Variants in GRIP1 observed in about 807,000 individuals in gnomAD.
The protein encoded by GRIP1 is glutamate receptor-interacting protein 1.
A neutral mutation model predicts 129.9 loss-of-function variants in GRIP1; 45 were observed. The observed-to-expected ratio is 0.35, with a 90% CI of 0.27 to 0.44. GRIP1 has a LOEUF of 0.44. Among genes scored for constraint, GRIP1 ranks in the 20% least tolerant of loss-of-function variants. The pLI, the probability that GRIP1 is intolerant of heterozygous loss-of-function variation, is 1.00. For synonymous variants in GRIP1, 530 were observed against 520.8 expected (o/e 1.02, Z -0.24); for missense variants, 1,196 against 1,396.8 (o/e 0.86, Z 2.29).
chr12:66,418,615 A>G (rs6581684), intron 15 of GRIP1, among the ~76,000 whole-genome samples: 52,563 of 152,032 alleles, frequency 0.35, 10,638 homozygotes, highest in African/African-American at 0.56. Context: ...TAGTAATCCT[A>G]TTAAAAAATG....
intron 11 of GRIP1, among the ~76,000 whole-genome samples, chr12:66,449,070 TTC>T (rs545620243): frequency 4.6e-5 from 7 of 152,188 alleles, no homozygotes; most frequent in Non-Finnish European, 7.3e-5. Flanking sequence ...CTGGGTCCTT[TTC>T]TCTGTTTTAT....
chr12:66,627,761 A>G (rs943328686), intron 1 of GRIP1, among the ~76,000 whole-genome samples: 2 of 152,124 alleles, frequency 1.3e-5, no homozygotes, highest in Non-Finnish European at 2.9e-5. Flanking sequence ...TCCCTCAGAC[A>G]TAGCAGGACT....
intron 1 of GRIP1, among the ~76,000 whole-genome samples, chr12:66,734,329 C>T (rs1217980155): frequency 1.3e-5 from 2 of 152,170 alleles, no homozygotes; most frequent in South Asian, 4.2e-4. Context: ...TGGAAGAGAA[C>T]CTGTACTGTG....
At position 66,931,003 on chromosome 12, in the gene GRIP1, A is replaced by AT. The variant is rs754610567; in HGVS notation, c.58+138046dup. ...CTCCTAACTCATCAAAGAGCAAAAT[A>AT]TTTTTTAAAATGCAATGCACTCCCC... On this transcript the variant is annotated intron_variant, in intron 1 of 1. Coordinates refer to the GRIP1 transcript ENST00000643019. Among the ~76,000 whole-genome samples, 17 of 152,114 alleles carry AT rather than the reference A, an allele frequency of 1.1e-4. No homozygotes were observed. In the East Asian group the frequency reaches 2.5e-3, roughly 22 times the overall value.
chr12:66,357,020 G>C (rs1248355208), intron 23 of GRIP1, among the ~76,000 whole-genome samples: 1 of 152,060 alleles, frequency 6.6e-6, no homozygotes, highest in Non-Finnish European at 1.5e-5. Flanking sequence ...GGGATTACAG[G>C]CATGAGCCAC....
At chr12:67,006,763 G>A (rs1300491910) in intron 1 of GRIP1, among the ~76,000 whole-genome samples, 5 of 152,154 alleles carry the variant, frequency 3.3e-5, no homozygotes, top group Admixed American at 3.3e-4. Context: ...CAACAAAAAA[G>A]GGCTTTTGTT....
Position 66,609,675 on chromosome 12 carries a change from T to C in GRIP1, c.56-12748A>G, listed in dbSNP as rs560284633. Among the ~76,000 whole-genome samples the C allele has an allele frequency of 3.3e-5, 5 of 152,286 alleles. No individual in the cohort carries two copies. The South Asian group carries it at 6.2e-4, about 19-fold the overall frequency. On this transcript the variant is annotated intron_variant, in intron 1 of 24. Coordinates refer to ENST00000359742, the MANE Select transcript of GRIP1 (RefSeq NM_001366722.1). ...TCCATAAATCTTGCCTGAACAAAGA[T>C]TCAATTTGGATAAACAAAGAAAATG...
At chr12:66,767,588 C>A (rs2037682507) in intron 1 of GRIP1, among the ~76,000 whole-genome samples, 1 of 145,126 alleles carries the variant, frequency 6.9e-6, no homozygotes, top group South Asian at 2.2e-4. Flanking sequence ...AAAAAAAAGG[C>A]TTTAATCAGT....
intron 23 of GRIP1, among the ~76,000 whole-genome samples, chr12:66,366,737 G>A (rs2055172369): frequency 6.6e-6 from 1 of 152,170 alleles, no homozygotes; most frequent in African/African-American, 2.4e-5. Flanking sequence ...AGGCTTGAGT[G>A]CACTGGCTCA....
chr12:66,392,207 A>G, intron 19 of GRIP1, 101 bp downstream of exon 19: 1 of 755,276 alleles, frequency 1.3e-6, no homozygotes, highest in Non-Finnish European at 2.3e-6. Context: ...AGCAGACACA[A>G]GTTAAAGAAA....
At position 66,347,523 on chromosome 12, in the gene GRIP1, T is replaced by C. The variant is rs1432244034; in HGVS notation, c.*1496A>G. 3.3e-5 allele frequency: 5 copies of C among 152,220 alleles called. No individual in the cohort carries two copies. Among genetic ancestry groups the C allele is most frequent in the Admixed American group, 3.3e-4 (5 of 15,276 alleles). 9.4% of individuals were successfully genotyped at this position (152,220 alleles called of 1,614,324 possible). A position where few individuals can be genotyped will look rare whatever the true frequency, so the allele number is the denominator to read the frequency against. On this transcript the variant is annotated 3_prime_UTR_variant, in exon 25 of 25. Transcript: ENST00000359742. The stretch of plus-strand genomic sequence containing the variant: ...TTTTTCCATACAAATATTTGAACAA[T>C]TTTGAATTCCCCAAAACCATACATA...
intron 7 of GRIP1, among the ~76,000 whole-genome samples, chr12:66,474,847 AC>A (rs1487256610): frequency 2.2e-4 from 33 of 152,342 alleles, no homozygotes; most frequent in Middle Eastern, 3.4e-3. Context: ...ATGGAAAGGA[AC>A]AACCGGTCCC....
In GRIP1 at chr12:67,028,442, T is replaced by C. The variant is rs577664445; in HGVS notation, c.58+40608A>G. Among the ~76,000 whole-genome samples, 3 of 152,352 alleles carry C rather than the reference T, an allele frequency of 2.0e-5. No homozygotes were observed. In the East Asian group the frequency reaches 5.8e-4, roughly 29 times the overall value. On this transcript the variant is annotated intron_variant, in intron 1 of 1. Coordinates refer to the GRIP1 transcript ENST00000643019. ...ATATTTTGGATTGAATGGATACCTGTAATTATATCAGCAATTTTCTGCATT... is the reference window on the plus strand; with the variant it reads ...ATATTTTGGATTGAATGGATACCTGCAATTATATCAGCAATTTTCTGCATT...
chr12:66,848,406 G>A (rs1396099556), intron 1 of GRIP1, among the ~76,000 whole-genome samples: 1 of 152,078 alleles, frequency 6.6e-6, no homozygotes, highest in Non-Finnish European at 1.5e-5. Flanking sequence ...CAGTGAATAA[G>A]ACAGAAAATA....
intron 14 of GRIP1, among the ~76,000 whole-genome samples, chr12:66,430,060 GTGC>G (rs1484333387): frequency 5.9e-5 from 9 of 152,278 alleles, no homozygotes; most frequent in African/African-American, 2.2e-4. Context: ...GGAGTACATA[GTGC>G]TTAGTAAAAC....
rs535699240 is a variant in GRIP1 at position 66,973,919 on chromosome 12, C to CTTTT, written c.58+95127_58+95130dup. 9.5e-3 allele frequency among the ~76,000 whole-genome samples: 1,147 copies of CTTTT among 121,268 alleles called. 30 individuals carry two copies. Among genetic ancestry groups the CTTTT allele is most frequent in the African/African-American group, 0.022 (732 of 32,804 alleles). 79.6% of individuals were successfully genotyped at this position (121,268 alleles called of 152,430 possible). On this transcript the variant is annotated intron_variant, in intron 1 of 1. Transcript: ENST00000643019. ...AGTTAGAAGGCTTTTCTTTTCTTTTCTTTTTTTTTTTTTTTTTTGAGTCAG... is the reference window on the plus strand; with the variant it reads ...AGTTAGAAGGCTTTTCTTTTCTTTTCTTTTTTTTTTTTTTTTTTTTTTGAGTCAG...
intron 1 of GRIP1, among the ~76,000 whole-genome samples, chr12:66,738,534 T>C (rs2036685363): frequency 6.6e-6 from 1 of 152,140 alleles, no homozygotes; most frequent in Non-Finnish European, 1.5e-5. Context: ...TATTTCATTT[T>C]TTTTAATTGC....
intron 1 of GRIP1, among the ~76,000 whole-genome samples, chr12:66,603,986 T>TA (rs906565753): frequency 6.6e-6 from 1 of 152,122 alleles, no homozygotes; most frequent in Non-Finnish European, 1.5e-5. Context: ...CAAATGAAAA[T>TA]AAAAAGTTAT....
Position 66,632,025 on chromosome 12 carries a change from C to T in GRIP1, c.56-35098G>A, listed in dbSNP as rs148580437. ...CTCAGGAGCCTGTCTCCTACCAGGG[C>T]TTCCAAGGTGGCATTCAGCTCCTTG... On this transcript the variant is annotated intron_variant, in intron 1 of 24. Transcript: ENST00000359742. Among the ~76,000 whole-genome samples, 350 of 152,298 alleles carry T rather than the reference C, an allele frequency of 2.3e-3. 2 individuals are homozygous for T. The highest frequency in any genetic ancestry group is 8.0e-3 in the African/African-American group (332 of 41,570).
Sources: allele counts gnomAD v4.1 joint callset (sites outside exome capture counted in the v4.1 genomes callset), GRCh38; gene constraint gnomAD v4.1.1; transcripts MANE v1.5; gene names NCBI Gene and HGNC (gene_info 2026-07-23, HGNC 2026-07-21).